PTPRD: variants seen among roughly 807,000 people sequenced by gnomAD.
PTPRD encodes protein tyrosine phosphatase receptor type D, also known as receptor-type tyrosine-protein phosphatase delta.
In PTPRD, 34 loss-of-function variants were observed where a neutral mutation model predicts 214.5. That is an observed-to-expected ratio of 0.16 (90% CI 0.12 to 0.21). The LOEUF is 0.21. Ranked by LOEUF, PTPRD falls within the 10% of genes least tolerant of loss-of-function variation. The probability of loss-of-function intolerance (pLI) is 1.00; values close to 1 mark genes in which losing one functional copy is unlikely to be tolerated. For missense variants in PTPRD, 2,545 were observed against 2,398.7 expected (o/e 1.06, Z -1.27); for synonymous variants, 1,128 against 845.7 (o/e 1.33, Z -5.79).
chr9:10,405,541 G>C (rs1187129494), intron 2 of PTPRD, among the ~76,000 whole-genome samples: 2 of 144,340 alleles, frequency 1.4e-5, no homozygotes, highest in African/African-American at 2.5e-5. Context: ...TAAAATAAAA[G>C]CAACTGATAT....
intron 9 of PTPRD, among the ~76,000 whole-genome samples, chr9:9,237,474 A>G (rs1202851416): frequency 6.6e-6 from 1 of 152,042 alleles, no homozygotes; most frequent in Non-Finnish European, 1.5e-5. Context: ...TATCTCAAAA[A>G]CTGAGTATTT....
At chr9:9,731,844 A>C (rs188545139) in intron 7 of PTPRD, among the ~76,000 whole-genome samples, 1 of 152,322 alleles carries the variant, frequency 6.6e-6, no homozygotes, top group East Asian at 1.9e-4. Flanking sequence ...TTGAGGAACT[A>C]CTAAACATAG....
At chr9:9,516,095 TACTCTA>T (rs1272263549) in intron 8 of PTPRD, among the ~76,000 whole-genome samples, 3 of 152,160 alleles carry the variant, frequency 2.0e-5, no homozygotes, top group African/African-American at 4.8e-5. Context: ...ATTTTGAGTA[TACTCTA>T]ACTCTAATCT....
chr9:8,418,657 C>T (rs10977073), intron 35 of PTPRD, among the ~76,000 whole-genome samples: 26,210 of 151,398 alleles, frequency 0.17, 2,632 homozygotes, highest in Non-Finnish European at 0.22. Context: ...TTCGGAATTA[C>T]ACGTAGTCTT....
chr9:9,068,888 G>A lies in PTPRD; in HGVS notation c.-142-50153C>T, dbSNP rs186691755. On this transcript the variant is annotated intron_variant, in intron 10 of 45. Transcript: ENST00000381196. The stretch of plus-strand genomic sequence containing the variant: ...ACCCCCCAAAGTATTTGGATTACAG[G>A]TGTGAGGCACGGCTCTCGGCCTACA... 1.1e-3 allele frequency among the ~76,000 whole-genome samples: 161 copies of A among 152,244 alleles called. 1 individual carries two copies. Among genetic ancestry groups the A allele is most frequent in the South Asian group, 6.0e-3 (29 of 4,830 alleles).
In PTPRD at chr9:8,859,860, T is replaced by A. The variant is rs113296985; in HGVS notation, c.-103-125914A>T. The A allele has an allele frequency of 2.7e-4, 41 of 152,256 alleles. 1 individual carries two copies. Among genetic ancestry groups the A allele is most frequent in the African/African-American group, 7.9e-4 (33 of 41,556 alleles). 9.4% of individuals were successfully genotyped at this position (152,256 alleles called of 1,614,324 possible). A position where few individuals can be genotyped will look rare whatever the true frequency, so the allele number is the denominator to read the frequency against. On this transcript the variant is annotated intron_variant, in intron 11 of 45. Transcript: ENST00000381196. ...TGTCTCTTGGCTTTTTGGTTTTGCTTTTTTATGGTTAGGGTCATAGTGAAA... is the reference window on the plus strand; with the variant it reads ...TGTCTCTTGGCTTTTTGGTTTTGCTATTTTATGGTTAGGGTCATAGTGAAA...
rs560801933 is a variant in PTPRD, at chr9:9,410,845, A to G, written c.-236-13363T>C. Among the ~76,000 whole-genome samples the G allele has an allele frequency of 3.3e-5, 5 of 152,314 alleles. No homozygotes were observed. The South Asian group carries it at 1.0e-3, about 32-fold the overall frequency. ...GCTTTCCTGCATACACATGTAAACA[A>G]GAAACACATGCAGCAGAACTCTGCG... On this transcript the variant is annotated intron_variant, in intron 8 of 45. Coordinates refer to ENST00000381196, the MANE Select transcript of PTPRD (RefSeq NM_002839.4).
intron 2 of PTPRD, among the ~76,000 whole-genome samples, chr9:10,522,571 C>T (rs981987858): frequency 1.4e-4 from 22 of 152,004 alleles, no homozygotes; most frequent in African/African-American, 4.1e-4. Context: ...AAGGTGAATC[C>T]AGATTTTACA....
intron 4 of PTPRD, among the ~76,000 whole-genome samples, chr9:10,018,558 TTTTTTTTG>T (rs1327424539): frequency 1.7e-5 from 2 of 118,358 alleles, no homozygotes; most frequent in African/African-American, 2.8e-5. Context: ...TTTTTTTTTT[TTTTTTTTG>T]AGACGGAGTC....
intron 11 of PTPRD, among the ~76,000 whole-genome samples, chr9:9,015,226 G>T (rs1171233505): frequency 2.6e-5 from 4 of 152,112 alleles, no homozygotes; most frequent in Non-Finnish European, 5.9e-5. Context: ...CTACTGGGCT[G>T]TATTCTCAGA....
intron 4 of PTPRD, among the ~76,000 whole-genome samples, chr9:9,962,174 C>T (rs2094408102): frequency 6.6e-6 from 1 of 151,874 alleles, no homozygotes; most frequent in Non-Finnish European, 1.5e-5. Flanking sequence ...AATCACAAAC[C>T]AAGCAATGAA....
At chr9:9,619,964 C>T (rs1296865898) in intron 7 of PTPRD, among the ~76,000 whole-genome samples, 1 of 151,188 alleles carries the variant, frequency 6.6e-6, no homozygotes, top group Non-Finnish European at 1.5e-5. Flanking sequence ...AATATCTCCA[C>T]ATATATATGG....
chr9:8,588,907 G>A (rs372943688), intron 14 of PTPRD, among the ~76,000 whole-genome samples: 4 of 152,194 alleles, frequency 2.6e-5, no homozygotes, highest in Admixed American at 6.5e-5. Flanking sequence ...CCATATTTCA[G>A]ACATCCTGAA....
At chr9:10,399,532 T>TTTTAAGAGGC (rs1408484670) in intron 2 of PTPRD, among the ~76,000 whole-genome samples, 1 of 151,842 alleles carries the variant, frequency 6.6e-6, no homozygotes, top group Admixed American at 6.6e-5. Context: ...ATGAAACTAG[T>TTTTAAGAGGC]TTTAAGAGGC....
intron 10 of PTPRD, among the ~76,000 whole-genome samples, chr9:9,150,273 A>G (rs2099875541): frequency 6.6e-6 from 1 of 152,058 alleles, no homozygotes; most frequent in Admixed American, 6.6e-5. Flanking sequence ...TGCATCTTCC[A>G]AAAGTCTCAA....
intron 9 of PTPRD, among the ~76,000 whole-genome samples, chr9:9,275,153 T>TA (rs1944878520): frequency 1.6e-5 from 1 of 62,574 alleles, no homozygotes; most frequent in Admixed American, 2.8e-4. Context: ...ATATAATATA[T>TA]TATATATATA....
At chr9:9,001,705 A>G (rs2099419139) in intron 11 of PTPRD, among the ~76,000 whole-genome samples, 1 of 152,150 alleles carries the variant, frequency 6.6e-6, no homozygotes, top group East Asian at 1.9e-4. Context: ...GGAAAAATAC[A>G]TCCAGAGTTC....
intron 11 of PTPRD, among the ~76,000 whole-genome samples, chr9:8,821,853 C>T (rs912165077): frequency 3.3e-5 from 5 of 152,108 alleles, no homozygotes; most frequent in East Asian, 3.9e-4. Flanking sequence ...TTAGTAGAGA[C>T]GGGGTTTCAC....
chr9:9,715,975 G>C (rs1321743775), intron 7 of PTPRD, among the ~76,000 whole-genome samples: 2 of 152,052 alleles, frequency 1.3e-5, no homozygotes, highest in African/African-American at 2.4e-5. Flanking sequence ...CTAGCATTAG[G>C]TATATGTCCT....
Sources: allele counts gnomAD v4.1 joint callset (sites outside exome capture counted in the v4.1 genomes callset), GRCh38; gene constraint gnomAD v4.1.1; transcripts MANE v1.5; gene names NCBI Gene and HGNC (gene_info 2026-07-23, HGNC 2026-07-21).